WWC2: variants seen among roughly 807,000 people sequenced by gnomAD.
The protein encoded by WWC2 is WW and C2 domain containing 2.
In WWC2, 101 loss-of-function variants were observed where a neutral mutation model predicts 138.5. The observed-to-expected ratio is 0.73, with a 90% CI of 0.62 to 0.86. The LOEUF is 0.86. Ranked by LOEUF, WWC2 falls within the 40% of genes least tolerant of loss-of-function variation. The probability of loss-of-function intolerance (pLI) is 0.00; values close to 1 mark genes in which losing one functional copy is unlikely to be tolerated. For synonymous variants in WWC2, 558 were observed against 538.4 expected (o/e 1.04, Z -0.50); for missense variants, 1,420 against 1,419.4 (o/e 1.00, Z -0.01).
At chr4:183,289,705 A>C in intron 21 of WWC2, 70 bp downstream of exon 21, 1 of 1,558,288 alleles carries the variant, frequency 6.4e-7, no homozygotes, top group Non-Finnish European at 8.6e-7. Context: ...TGTAGAAGGT[A>C]CCCAACTTAC....
At chr4:183,278,774 CTGTT>C (rs1419806279) in intron 16 of WWC2, among the ~76,000 whole-genome samples, 2 of 151,672 alleles carry the variant, frequency 1.3e-5, no homozygotes, top group African/African-American at 2.4e-5. Context: ...ATTTGGCTCT[CTGTT>C]TGTCTGTTGT....
At chr4:183,249,436 A>G (rs575850179) in intron 7 of WWC2, among the ~76,000 whole-genome samples, 2 of 152,268 alleles carry the variant, frequency 1.3e-5, no homozygotes, top group South Asian at 4.1e-4. Flanking sequence ...CTGCTTTGAA[A>G]TATGTGCTGT....
chr4:183,276,657 T>G (rs974669697), intron 16 of WWC2, among the ~76,000 whole-genome samples: 2 of 152,152 alleles, frequency 1.3e-5, no homozygotes, highest in African/African-American at 4.8e-5. Context: ...ACAGTTAGTA[T>G]TCATTCAGAT....
At chr4:183,213,184 C>A (rs989648316) in intron 4 of WWC2, among the ~76,000 whole-genome samples, 4 of 152,172 alleles carry the variant, frequency 2.6e-5, no homozygotes, top group African/African-American at 7.2e-5. Flanking sequence ...TGTGTTTGAA[C>A]ACTTGGGCAC....
intron 18 of WWC2, among the ~76,000 whole-genome samples, chr4:183,283,390 G>A (rs1738144038): frequency 6.6e-6 from 1 of 152,222 alleles, no homozygotes; most frequent in Admixed American, 6.5e-5. Context: ...TGCTAGTTAA[G>A]TGAGAGATGT....
Position 183,317,382 on chromosome 4 carries a change from G to T in WWC2, c.*1653G>T, listed in dbSNP as rs1739474883. The T allele has an allele frequency of 6.6e-6, 1 of 152,496 alleles. No homozygotes were observed. The highest frequency in any genetic ancestry group is 6.5e-5 in the Admixed American group (1 of 15,270). 9.4% of individuals were successfully genotyped at this position (152,496 alleles called of 1,614,324 possible). On this transcript the variant is annotated 3_prime_UTR_variant, in exon 23 of 23. Transcript: ENST00000403733. ...ACAAATTTCTTTGAAGACATAACTG[G>T]ACATGGCAGACACTGCTTTGAACAA...
intron 1 of WWC2, among the ~76,000 whole-genome samples, chr4:183,163,581 T>G (rs1423421836): frequency 3.3e-5 from 5 of 152,240 alleles, no homozygotes; most frequent in African/African-American, 1.2e-4. Context: ...AATGAGTGTT[T>G]GGGGCATAAC....
At chr4:183,174,576 T>G (rs1734401787) in intron 1 of WWC2, among the ~76,000 whole-genome samples, 1 of 152,208 alleles carries the variant, frequency 6.6e-6, no homozygotes, top group African/African-American at 2.4e-5. Flanking sequence ...CTAGAGGGAA[T>G]GTAGGTAAGC....
intron 1 of WWC2, among the ~76,000 whole-genome samples, chr4:183,190,985 GT>G (rs1342335870): frequency 6.6e-6 from 1 of 152,098 alleles, no homozygotes; most frequent in Non-Finnish European, 1.5e-5. Context: ...CCGTTCTCGT[GT>G]TTTCTCCTTC....
chr4:183,161,995 A>G (rs1372935159), intron 1 of WWC2, among the ~76,000 whole-genome samples: 1 of 152,362 alleles, frequency 6.6e-6, no homozygotes, highest in African/African-American at 2.4e-5. Context: ...GAGATGTCTC[A>G]GGGGAAGTGA....
intron 4 of WWC2, among the ~76,000 whole-genome samples, chr4:183,224,228 G>A (rs1177337057): frequency 1.3e-5 from 2 of 151,962 alleles, no homozygotes; most frequent in African/African-American, 2.4e-5. Flanking sequence ...TTTTTGGGGC[G>A]GGGACATTCA....
chr4:183,268,954 A>T lies in WWC2; in HGVS notation c.2208-17A>T, dbSNP rs1737600541. ...TTAAAGTACCTATGAAATCCATTTTATTCTTGTTCTTTGCAGATATTTTAG... is the reference window on the plus strand; with the variant it reads ...TTAAAGTACCTATGAAATCCATTTTTTTCTTGTTCTTTGCAGATATTTTAG... On this transcript the variant is annotated splice_polypyrimidine_tract_variant and intron_variant, in intron 14 of 22. Coordinates refer to ENST00000403733, the MANE Select transcript of WWC2 (RefSeq NM_024949.6). 3 of 1,600,314 alleles carry T rather than the reference A, an allele frequency of 1.9e-6. No individual in the cohort carries two copies. The highest frequency in any genetic ancestry group is 2.2e-5 in the East Asian group (1 of 44,778).
rs1264368334 is a variant in WWC2 at position 183,240,413 on chromosome 4, T to A, written c.602+151T>A. 5.7e-6 allele frequency: 3 copies of A among 529,666 alleles called. No individual in the cohort carries two copies. The African/African-American group carries it at 5.9e-5, about 10-fold the overall frequency. The allele number at this position is 529,666 out of a possible 1,614,324, so 32.8% of individuals were successfully genotyped here. A position where few individuals can be genotyped will look rare whatever the true frequency, so the allele number is the denominator to read the frequency against. On this transcript the variant is annotated intron_variant, in intron 5 of 22. Coordinates refer to ENST00000403733, the MANE Select transcript of WWC2 (RefSeq NM_024949.6). Reference sequence around the variant, plus strand: ...TCTACACCAAAAGAAAATAAAGCAATCAACCAACAGATAAAAAAACTTGGG... The same window carrying A: ...TCTACACCAAAAGAAAATAAAGCAAACAACCAACAGATAAAAAAACTTGGG...
intron 2 of WWC2, among the ~76,000 whole-genome samples, chr4:183,202,145 A>T (rs186357749): frequency 1.7e-4 from 26 of 152,220 alleles, no homozygotes; most frequent in African/African-American, 5.8e-4. Flanking sequence ...TAATTTCGGC[A>T]GACTCTGGGT....
At chr4:183,151,005 G>A (rs1435243487) in intron 1 of WWC2, among the ~76,000 whole-genome samples, 1 of 152,240 alleles carries the variant, frequency 6.6e-6, no homozygotes, top group African/African-American at 2.4e-5. Flanking sequence ...ACATACGTGT[G>A]CATGTGTCTT....
At chr4:183,234,711 G>A (rs1736361797) in intron 4 of WWC2, among the ~76,000 whole-genome samples, 1 of 152,116 alleles carries the variant, frequency 6.6e-6, no homozygotes. Flanking sequence ...ACTGTATCTA[G>A]TAGTGTAGTT....
At chr4:183,248,924 G>A in intron 7 of WWC2, 64 bp downstream of exon 7, 3 of 1,410,592 alleles carry the variant, frequency 2.1e-6, no homozygotes, top group East Asian at 5.0e-5. Flanking sequence ...TTGCAATATG[G>A]ATGGTGAACT....
chr4:183,256,476 G>A (rs1254862690), intron 9 of WWC2, among the ~76,000 whole-genome samples: 10 of 151,880 alleles, frequency 6.6e-5, no homozygotes, highest in Admixed American at 2.6e-4. Context: ...TCACCCTTTC[G>A]TGTCTTCCTC....
At position 183,265,962 on chromosome 4, in the gene WWC2, T is replaced by C. The variant is rs1340579079; in HGVS notation, c.2207+11T>C. ...TCATACTTCAAAAGTGTAAGTAAAA[T>C]CAGCGAAGATCAAATTGAGGAACTT... On this transcript the variant is annotated intron_variant, in intron 14 of 22. Transcript: ENST00000403733. The C allele has an allele frequency of 3.1e-6, 5 of 1,600,944 alleles. No individual in the cohort carries two copies. Among genetic ancestry groups the C allele is most frequent in the Non-Finnish European group, 4.3e-6 (5 of 1,172,334 alleles).
Sources: gnomAD v4.1 joint callset for allele counts (sites outside exome capture counted in the v4.1 genomes callset) on GRCh38, gnomAD v4.1.1 for gene constraint, MANE v1.5 for transcripts, NCBI Gene and HGNC (gene_info 2026-07-23, HGNC 2026-07-21) for gene names.